ARL5B: variants seen among roughly 807,000 people sequenced by gnomAD.
The protein encoded by ARL5B is ADP-ribosylation factor-like protein 5B.
ARL5B carries 10 observed loss-of-function variants against 26.9 expected under a neutral mutation model. That is an observed-to-expected ratio of 0.37 (90% CI 0.23 to 0.63). The LOEUF (loss-of-function observed/expected upper bound fraction) is 0.63, where lower values mean the gene tolerates loss of function less well. Among genes scored for constraint, ARL5B ranks in the 30% least tolerant of loss-of-function variants. The pLI, the probability that ARL5B is intolerant of heterozygous loss-of-function variation, is 0.62. For missense variants in ARL5B, 167 were observed against 213.9 expected (o/e 0.78, Z 1.37); for synonymous variants, 87 against 70.4 (o/e 1.24, Z -1.18).
chr10:18,672,788 G>A (rs945741664), intron 4 of ARL5B, 83 bp downstream of exon 4: 17 of 833,676 alleles, frequency 2.0e-5, no homozygotes, highest in Admixed American at 7.1e-5. Context: ...AGATTAATGT[G>A]ATATGATGTT....
chr10:18,663,090 C>T (rs1274244756), intron 1 of ARL5B, among the ~76,000 whole-genome samples: 1 of 152,032 alleles, frequency 6.6e-6, no homozygotes, highest in Non-Finnish European at 1.5e-5. Flanking sequence ...CTCACTGCCA[C>T]CTTTGCCTCC....
In ARL5B at chr10:18,667,915, A is replaced by G. The variant is rs550297649; in HGVS notation, c.108-615A>G. On this transcript the variant is annotated intron_variant, in intron 2 of 5. Transcript: ENST00000377275. ...TTTTTAGTAGAGACGAGGCTTCACC[A>G]TGTTGGTCAGGATGGTCTCAAGTTC... Among the ~76,000 whole-genome samples, 4 of 152,202 alleles carry G rather than the reference A, an allele frequency of 2.6e-5. No homozygotes were observed. The East Asian group carries it at 5.8e-4, about 22-fold the overall frequency.
At chr10:18,671,091 C>T (rs1199216826) in intron 3 of ARL5B, among the ~76,000 whole-genome samples, 1 of 152,180 alleles carries the variant, frequency 6.6e-6, no homozygotes, top group African/African-American at 2.4e-5. Context: ...TTGATTCCTC[C>T]TTTGCCACGC....
chr10:18,671,364 G>T (rs1023909386), intron 3 of ARL5B, among the ~76,000 whole-genome samples: 5 of 151,878 alleles, frequency 3.3e-5, no homozygotes, highest in Non-Finnish European at 7.4e-5. Context: ...TAGAGACAGG[G>T]TTTCACCATG....
chr10:18,665,150 A>C (rs781319185), intron 1 of ARL5B, among the ~76,000 whole-genome samples: 10 of 123,356 alleles, frequency 8.1e-5, no homozygotes, highest in Non-Finnish European at 1.6e-4. Flanking sequence ...AAGGGATAAC[A>C]AACAGGGTAA....
chr10:18,660,809 A>T (rs1177034119), intron 1 of ARL5B, among the ~76,000 whole-genome samples: 1 of 152,172 alleles, frequency 6.6e-6, no homozygotes, highest in Non-Finnish European at 1.5e-5. Context: ...GCAGAGCTTC[A>T]CACTTTGTGG....
Position 18,672,527 on chromosome 10 carries a change from A to G in ARL5B, c.256-95A>G, listed in dbSNP as rs185196097. 139 of 798,012 alleles carry G rather than the reference A, an allele frequency of 1.7e-4. 1 individual carries two copies. The highest frequency in any genetic ancestry group is 2.2e-4 in the Non-Finnish European group (106 of 485,796). 49.4% of individuals were successfully genotyped at this position (798,012 alleles called of 1,614,324 possible). On this transcript the variant is annotated intron_variant, in intron 3 of 5. Coordinates refer to ENST00000377275, the MANE Select transcript of ARL5B (RefSeq NM_178815.5). ...GATGTTTTATAGTAATGATGATGCCATGTAGAGAAAGTACTTAGATTACTT... is the reference window on the plus strand; with the variant it reads ...GATGTTTTATAGTAATGATGATGCCGTGTAGAGAAAGTACTTAGATTACTT...
rs755106816 is a variant in ARL5B at position 18,673,991 on chromosome 10, G to A, written c.347G>A (p.Arg116Gln). The change falls in exon 5 of 6, where the codon CGG (arginine) becomes CAG (glutamine). Residue 116 changes from arginine (R) to glutamine (Q), a missense_variant. By Grantham distance (43) the Arg-to-Gln change is conservative. Transcript: ENST00000377275. Reference protein sequence around the residue: ...LYRMLAHEDLRKAAVLIFANK... With the variant: ...LYRMLAHEDLQKAAVLIFANK... The stretch of plus-strand genomic sequence containing the variant: ...ATTTTGTCTTGATTGCAGGATTTAC[G>A]GAAGGCTGCAGTCCTTATCTTTGCA... The A allele has an allele frequency of 5.1e-5, 81 of 1,591,822 alleles. 1 individual carries two copies. In the South Asian group the frequency reaches 6.6e-4, roughly 13 times the overall value.
intron 5 of ARL5B, 146 bp from the exon 6 acceptor site, chr10:18,675,022 A>T (rs2059904257): frequency 1.6e-6 from 1 of 609,656 alleles, no homozygotes; most frequent in Non-Finnish European, 2.8e-6. Context: ...AATTTCACTT[A>T]TTATAGTGTG....
At chr10:18,675,042 T>A in intron 5 of ARL5B, 126 bp from the exon 6 acceptor site, 2 of 696,712 alleles carry the variant, frequency 2.9e-6, no homozygotes, top group Non-Finnish European at 4.8e-6. Flanking sequence ...GACTTGAATG[T>A]TGACACTGAT....
Position 18,677,462 on chromosome 10 carries a change from A to G in ARL5B, c.*2246A>G, listed in dbSNP as rs2059915204. On this transcript the variant is annotated 3_prime_UTR_variant, in exon 6 of 6. Transcript: ENST00000377275. ...GCCATGTGTTGAAGATGAAATTGGC[A>G]TCAGTGTAGACGGTGCTGATTGGGA... 6.6e-6 allele frequency: 1 copy of G among 152,318 alleles called. No individual in the cohort carries two copies. The highest frequency in any genetic ancestry group is 2.1e-4 in the South Asian group (1 of 4,836). 9.4% of individuals were successfully genotyped at this position (152,318 alleles called of 1,614,324 possible).
At position 18,668,688 on chromosome 10, in the gene ARL5B, A is replaced by G. The variant is rs199507218; in HGVS notation, c.255+11A>G. On this transcript the variant is annotated intron_variant, in intron 3 of 5. Coordinates refer to ENST00000377275, the MANE Select transcript of ARL5B (RefSeq NM_178815.5). Reference sequence around the variant, plus strand: ...TACTCAAATACAGAGGTATGCTAAGATGAATTTTGAATTTTAATCCAAAGG... The same window carrying G: ...TACTCAAATACAGAGGTATGCTAAGGTGAATTTTGAATTTTAATCCAAAGG... 5.3e-5 allele frequency: 86 copies of G among 1,610,546 alleles called. No homozygotes were observed. Among genetic ancestry groups the G allele is most frequent in the Non-Finnish European group, 6.9e-5 (81 of 1,178,370 alleles).
At chr10:18,667,712 TATACACACACACACAA>T (rs905811993) in intron 2 of ARL5B, among the ~76,000 whole-genome samples, 10 of 151,580 alleles carry the variant, frequency 6.6e-5, no homozygotes, top group Non-Finnish European at 1.2e-4. Context: ...TATATATATA[TATACACACACACACAA>T]ACACACACAC....
chr10:18,666,245 TAC>T (rs2059860628), intron 1 of ARL5B, among the ~76,000 whole-genome samples: 1 of 152,208 alleles, frequency 6.6e-6, no homozygotes, highest in African/African-American at 2.4e-5. Context: ...TTAAAAAACT[TAC>T]ATTTAGGTTA....
chr10:18,670,035 G>T lies in ARL5B; in HGVS notation c.255+1358G>T, dbSNP rs538066605. On this transcript the variant is annotated intron_variant, in intron 3 of 5. Transcript: ENST00000377275. Reference sequence around the variant, plus strand: ...AAAAATTGGAGTTGGAAGGGAAGAGGTAGAAAAGGATATAATATGAATAAT... The same window carrying T: ...AAAAATTGGAGTTGGAAGGGAAGAGTTAGAAAAGGATATAATATGAATAAT... 2.0e-5 allele frequency among the ~76,000 whole-genome samples: 3 copies of T among 151,694 alleles called. 1 individual carries two copies. In the South Asian group the frequency reaches 6.3e-4, roughly 32 times the overall value.
At chr10:18,659,742 TG>T in intron 1 of ARL5B, 59 bp downstream of exon 1, 1 of 1,593,038 alleles carries the variant, frequency 6.3e-7, no homozygotes, top group Non-Finnish European at 8.5e-7. Flanking sequence ...CCGCCGCCGA[TG>T]GGGACACCGG....
At position 18,660,026 on chromosome 10, in the gene ARL5B, AT is replaced by A. The variant is rs1172418991; in HGVS notation, c.46+344del. The A allele has an allele frequency of 7.0e-6, 6 of 854,072 alleles. No homozygotes were observed. In the East Asian group the frequency reaches 7.4e-4, roughly 106 times the overall value. The allele number at this position is 854,072 out of a possible 1,614,324, so 52.9% of individuals were successfully genotyped here. On this transcript the variant is annotated intron_variant, in intron 1 of 5. Transcript: ENST00000377275. ...TTGAAGCGTGCTTGTGTCTATGTGT[AT>A]CCCCAGGATAAGTGTCCGCCCAGAA...
rs1031547090 is a variant in ARL5B at position 18,675,512 on chromosome 10, G to A, written c.*296G>A. ...CTTGTAAGAAATGTTTGTCATATGC[G>A]TGATGTCTTCTGAAATATTCTTATA... On this transcript the variant is annotated 3_prime_UTR_variant, in exon 6 of 6. Coordinates refer to ENST00000377275, the MANE Select transcript of ARL5B (RefSeq NM_178815.5). 11 of 332,188 alleles carry A rather than the reference G, an allele frequency of 3.3e-5. No homozygotes were observed. The highest frequency in any genetic ancestry group is 5.5e-5 in the East Asian group (1 of 18,124). The allele number at this position is 332,188 out of a possible 1,614,324, so 20.6% of individuals were successfully genotyped here. A position where few individuals can be genotyped will look rare whatever the true frequency, so the allele number is the denominator to read the frequency against.
At position 18,676,501 on chromosome 10, in the gene ARL5B, A is replaced by C. The variant is rs892382646; in HGVS notation, c.*1285A>C. ...TTTGAGGCAGTTGTCTAATATGAAC[A>C]ATAATCTAAACAATATATTCCTTAA... On this transcript the variant is annotated 3_prime_UTR_variant, in exon 6 of 6. Transcript: ENST00000377275. The C allele has an allele frequency of 1.4e-4, 21 of 152,042 alleles. No individual in the cohort carries two copies. The highest frequency in any genetic ancestry group is 4.6e-4 in the African/African-American group (19 of 41,442). 9.4% of individuals were successfully genotyped at this position (152,042 alleles called of 1,614,324 possible). A position where few individuals can be genotyped will look rare whatever the true frequency, so the allele number is the denominator to read the frequency against.
Sources: allele counts gnomAD v4.1 joint callset (sites outside exome capture counted in the v4.1 genomes callset), GRCh38; gene constraint gnomAD v4.1.1; transcripts MANE v1.5; gene names NCBI Gene and HGNC (gene_info 2026-07-23, HGNC 2026-07-21).